Variants in OSBPL9 observed in about 807,000 individuals in gnomAD.
OSBPL9 encodes the protein oxysterol binding protein like 9, also known as oxysterol-binding protein-related protein 9.
Under a neutral mutation model 106.6 loss-of-function variants are expected in OSBPL9, and 40 were observed. The ratio of observed to expected loss-of-function variants is 0.38; its 90% confidence interval spans 0.29 to 0.49. The LOEUF (loss-of-function observed/expected upper bound fraction) is 0.49, where lower values mean the gene tolerates loss of function less well. Among genes scored for constraint, OSBPL9 ranks in the 20% least tolerant of loss-of-function variants. OSBPL9 has a pLI of 0.97. For missense variants in OSBPL9, 609 were observed against 887.2 expected, an observed-to-expected ratio of 0.69 and a Z score of 3.98; for synonymous variants, 269 against 295.4, an observed-to-expected ratio of 0.91 and a Z score of 0.92.
intron 4 of OSBPL9, among the ~76,000 whole-genome samples, chr1:51,743,260 G>C (rs1174382987): frequency 1.3e-5 from 2 of 152,112 alleles, no homozygotes; most frequent in African/African-American, 4.8e-5. Context: ...GTAGATCTTT[G>C]GCTTGGACCT....
At chr1:51,787,187 G>A (rs978948950) in intron 22 of OSBPL9, among the ~76,000 whole-genome samples, 166 bp from the exon 23 acceptor site, 15 of 152,274 alleles carry the variant, frequency 9.9e-5, no homozygotes, top group Non-Finnish European at 2.1e-4. Context: ...GGAGTCTTCT[G>A]AGCCCATATG....
intron 4 of OSBPL9, among the ~76,000 whole-genome samples, chr1:51,719,495 G>T (rs914034602): frequency 6.6e-6 from 1 of 151,674 alleles, no homozygotes; most frequent in Non-Finnish European, 1.5e-5. Context: ...AATGCTGAGA[G>T]ATTATCAAGT....
At chr1:51,615,642 G>C (rs1644034993), upstream of OSBPL9, among the ~76,000 whole-genome samples, 1 of 152,116 alleles carries the variant, frequency 6.6e-6, no homozygotes, top group Non-Finnish European at 1.5e-5. Flanking sequence ...GACAAAGAAA[G>C]CCCTTCCCTT....
chr1:51,592,283 T>C (rs920281260), intron 1 of OSBPL9, among the ~76,000 whole-genome samples: 2 of 151,644 alleles, frequency 1.3e-5, no homozygotes, highest in Admixed American at 1.3e-4. Flanking sequence ...CCCGGCTAAT[T>C]TTTTGTATTT....
intron 8 of OSBPL9, among the ~76,000 whole-genome samples, chr1:51,752,231 T>TC (rs1336032923): frequency 6.6e-6 from 1 of 150,904 alleles, no homozygotes; most frequent in African/African-American, 2.4e-5. Flanking sequence ...AAGACAAGCT[T>TC]CCCCCCTCCA....
chr1:51,530,205 A>AAAAAG, the OSBPL9 span, among the ~76,000 whole-genome samples: 8 of 139,888 alleles, frequency 5.7e-5, no homozygotes, highest in African/African-American at 1.8e-4. Context: ...AAAAAAAAAA[A>AAAAAG]CCTCTAAGAA....
intron 3 of OSBPL9, among the ~76,000 whole-genome samples, chr1:51,713,204 C>T (rs1035124681): frequency 1.3e-5 from 2 of 152,052 alleles, no homozygotes; most frequent in African/African-American, 4.8e-5. Flanking sequence ...GGCTGGAGTG[C>T]AGTGGCACGA....
chr1:51,753,962 A>AGTG (rs1669801711), intron 8 of OSBPL9, among the ~76,000 whole-genome samples: 23 of 152,220 alleles, frequency 1.5e-4, no homozygotes, highest in Non-Finnish European at 2.9e-5. Flanking sequence ...CAAAGTTTTG[A>AGTG]GACCACCTGG....
chr1:51,674,029 T>C (rs1035784215), intron 3 of OSBPL9, among the ~76,000 whole-genome samples: 1 of 150,734 alleles, frequency 6.6e-6, no homozygotes, highest in Non-Finnish European at 1.5e-5. Context: ...TTCCTTCCTC[T>C]CCCTCTCTCT....
intron 2 of OSBPL9, among the ~76,000 whole-genome samples, chr1:51,603,647 A>T (rs1191600175): frequency 6.6e-6 from 1 of 152,152 alleles, no homozygotes; most frequent in African/African-American, 2.4e-5. Context: ...TAGTTGTATT[A>T]TTCTGCGCCA....
Position 51,781,173 on chromosome 1 carries a change from C to T in OSBPL9, c.1266C>T (p.Asp422=). ...TCTTTCTCCCTTGCAGCATTAGTGA[C>T]CAGAAGGATCCCAAGGATCGAATGG... The part of the protein sequence containing the change: ...AHPDLFVSIS[D]QKDPKDRMVQ... The change falls in exon 16 of 24, where the codon GAC becomes GAT. Residue 422 remains aspartate, a synonymous_variant. Transcript: ENST00000428468. 6.2e-7 allele frequency: 1 copy of T among 1,613,886 alleles called. No individual in the cohort carries two copies. Among genetic ancestry groups the T allele is most frequent in the Non-Finnish European group, 8.5e-7 (1 of 1,179,918 alleles).
chr1:51,602,211 G>A (rs1400809796), intron 2 of OSBPL9, among the ~76,000 whole-genome samples: 3 of 150,820 alleles, frequency 2.0e-5, no homozygotes, highest in African/African-American at 4.9e-5. Flanking sequence ...TAGTAGAGAC[G>A]GGGTTTCACC....
At chr1:51,657,939 A>G (rs376486889) in intron 2 of OSBPL9, among the ~76,000 whole-genome samples, 13 of 151,998 alleles carry the variant, frequency 8.6e-5, no homozygotes, top group African/African-American at 3.1e-4. Flanking sequence ...CTCTACAAAC[A>G]AACAAAAAAA....
chr1:51,656,577 G>T (rs946663117), intron 2 of OSBPL9, among the ~76,000 whole-genome samples: 1 of 151,664 alleles, frequency 6.6e-6, no homozygotes, highest in African/African-American at 2.4e-5. Context: ...TTTCTAATCC[G>T]CATACTTCTA....
intron 3 of OSBPL9, among the ~76,000 whole-genome samples, chr1:51,677,532 A>C (rs1006872629): frequency 6.6e-6 from 1 of 152,186 alleles, no homozygotes; most frequent in African/African-American, 2.4e-5. Context: ...CTTCATTTTC[A>C]AAGGACTTTA....
At chr1:51,725,823 C>G (rs1663016041) in intron 4 of OSBPL9, among the ~76,000 whole-genome samples, 2 of 152,154 alleles carry the variant, frequency 1.3e-5, no homozygotes, top group Admixed American at 1.3e-4. Flanking sequence ...CTCCCCCCTG[C>G]CCATATTACT....
intron 3 of OSBPL9, among the ~76,000 whole-genome samples, chr1:51,699,104 A>AT (rs1012306775): frequency 6.6e-6 from 1 of 152,180 alleles, no homozygotes; most frequent in African/African-American, 2.4e-5. Context: ...ATGAATATTC[A>AT]TTTTTTTGAG....
intron 22 of OSBPL9, among the ~76,000 whole-genome samples, 190 bp from the exon 23 acceptor site, chr1:51,787,163 T>A (rs183805613): frequency 5.0e-4 from 76 of 152,306 alleles, no homozygotes; most frequent in Non-Finnish European, 9.3e-4. Context: ...TTTCCTTCTT[T>A]GACAACTAGC....
intron 2 of OSBPL9, among the ~76,000 whole-genome samples, chr1:51,604,294 G>A (rs1643918731): frequency 6.6e-6 from 1 of 152,082 alleles, no homozygotes; most frequent in Non-Finnish European, 1.5e-5. Context: ...GGTGGCTCAC[G>A]CCTGTAATCC....
Sources: gnomAD v4.1 joint callset for allele counts (sites outside exome capture counted in the v4.1 genomes callset) on GRCh38, gnomAD v4.1.1 for gene constraint, MANE v1.5 for transcripts, NCBI Gene and HGNC (gene_info 2026-07-23, HGNC 2026-07-21) for gene names.